The following SNX2 variants were observed in gnomAD, a reference collection of about 807,000 sequenced individuals.
SNX2 encodes the protein sorting nexin 2, also known as sorting nexin-2.
Under a neutral mutation model 69.9 loss-of-function variants are expected in SNX2, and 25 were observed. That is an observed-to-expected ratio of 0.36 (90% CI 0.26 to 0.50). The LOEUF is 0.50. Among genes scored for constraint, SNX2 ranks in the 20% least tolerant of loss-of-function variants. The pLI is 0.97. For missense variants in SNX2, 551 were observed against 613.3 expected, an observed-to-expected ratio of 0.90 and a Z score of 1.07; for synonymous variants, 229 against 200.4, an observed-to-expected ratio of 1.14 and a Z score of -1.20.
intron 10 of SNX2, among the ~76,000 whole-genome samples, chr5:122,817,904 A>C (rs1208709722): frequency 6.6e-6 from 1 of 152,138 alleles, no homozygotes; most frequent in African/African-American, 2.4e-5. Context: ...TTCATAGAAA[A>C]TTTGAGTTGT....
chr5:122,820,690 TAC>T (rs907622152), intron 11 of SNX2, among the ~76,000 whole-genome samples: 42 of 152,314 alleles, frequency 2.8e-4, no homozygotes, highest in African/African-American at 9.6e-4. Context: ...TTCCTGAAAT[TAC>T]AGTTATATTC....
In SNX2 at chr5:122,802,143, T is replaced by A. The variant is rs1753530655; in HGVS notation, c.501+19T>A. ...AACAAAGGTGAGCTTTTTGTGCTTT[T>A]AAAAAAACTATCGAGCCCTCATTAT... On this transcript the variant is annotated intron_variant, in intron 5 of 14. Transcript: ENST00000379516. 6.2e-7 allele frequency: 1 copy of A among 1,606,922 alleles called. No individual in the cohort carries two copies. Among genetic ancestry groups the A allele is most frequent in the African/African-American group, 1.3e-5 (1 of 74,754 alleles).
intron 5 of SNX2, among the ~76,000 whole-genome samples, chr5:122,802,597 G>A (rs1753541009): frequency 6.6e-6 from 1 of 152,114 alleles, no homozygotes; most frequent in Admixed American, 6.6e-5. Flanking sequence ...GAAGAGTGTG[G>A]CACAAGTAGG....
intron 7 of SNX2, among the ~76,000 whole-genome samples, chr5:122,810,886 T>C (rs549911718): frequency 6.6e-6 from 1 of 152,320 alleles, no homozygotes; most frequent in Admixed American, 6.5e-5. Flanking sequence ...GCAAAGGAAC[T>C]GGAATGGTTT....
intron 6 of SNX2, among the ~76,000 whole-genome samples, chr5:122,806,142 G>GCGCACGCGCGCGCACACACA: frequency 7.7e-6 from 1 of 130,584 alleles, no homozygotes; most frequent in Non-Finnish European, 1.6e-5. Flanking sequence ...ACACGCGCGC[G>GCGCACGCGCGCGCACACACA]CACACACACA....
At position 122,819,010 on chromosome 5, in the gene SNX2, T is replaced by C. The variant is rs771931984; in HGVS notation, c.1199T>C (p.Ile400Thr). The C allele has an allele frequency of 5.6e-6, 9 of 1,613,406 alleles. No homozygotes were observed. Among genetic ancestry groups the C allele is most frequent in the East Asian group, 2.2e-5 (1 of 44,848 alleles). Residue 400 changes from isoleucine to threonine, a missense_variant, in exon 11 of 15, where the codon ATT becomes ACT. Transcript: ENST00000379516. ...SELLSDYIRL[I>T]AAVKGVFDHR... ...CTACTTAGTGACTACATTCGTCTTA[T>C]TGCTGCAGTGAAAGTAAGCCCTTTC...
chr5:122,812,156 T>A (rs953879230), intron 7 of SNX2, among the ~76,000 whole-genome samples: 7 of 152,180 alleles, frequency 4.6e-5, no homozygotes, highest in African/African-American at 1.7e-4. Context: ...AACTTTACAG[T>A]AGTCATTCTA....
At chr5:122,829,414 A>G (rs1754230259) in intron 14 of SNX2, among the ~76,000 whole-genome samples, 184 bp from the exon 15 acceptor site, 1 of 151,944 alleles carries the variant, frequency 6.6e-6, no homozygotes, top group East Asian at 2.0e-4. Flanking sequence ...CATGTTGACC[A>G]GGCTAGTCTT....
At chr5:122,789,284 G>A (rs555412294) in intron 1 of SNX2, among the ~76,000 whole-genome samples, 4 of 152,266 alleles carry the variant, frequency 2.6e-5, no homozygotes, top group East Asian at 3.9e-4. Flanking sequence ...GAATTGCTGT[G>A]CTGTTTGGCT....
chr5:122,821,947 A>G lies in SNX2; in HGVS notation c.1212+2924A>G, dbSNP rs183838472. On this transcript the variant is annotated intron_variant, in intron 11 of 14. Coordinates refer to ENST00000379516, the MANE Select transcript of SNX2 (RefSeq NM_003100.4). The stretch of plus-strand genomic sequence containing the variant: ...ATAAGTATTGCCAAATTACTGTTCA[A>G]AAAGATTTTACTTTGTACCCTAACC... Among the ~76,000 whole-genome samples the G allele has an allele frequency of 4.1e-4, 62 of 152,324 alleles. No individual in the cohort carries two copies. The East Asian group carries it at 0.01, about 26-fold the overall frequency.
chr5:122,827,831 T>C, intron 14 of SNX2, 185 bp downstream of exon 14: 1 of 559,870 alleles, frequency 1.8e-6, no homozygotes. Context: ...GTTTTTTTTT[T>C]TTTTGCCTCT....
At position 122,799,681 on chromosome 5, in the gene SNX2, T is replaced by A. The variant is rs777245849; in HGVS notation, c.227-11T>A. 6.2e-7 allele frequency: 1 copy of A among 1,607,004 alleles called. No homozygotes were observed. Among genetic ancestry groups the A allele is most frequent in the Admixed American group, 1.7e-5 (1 of 59,182 alleles). On this transcript the variant is annotated splice_polypyrimidine_tract_variant and intron_variant, in intron 2 of 14. Transcript: ENST00000379516. ...CAGTGTTCTTAACTAACTTGTTTAA[T>A]CTATGTCTAGAAGCCACAGAAGAAG...
chr5:122,817,358 G>T lies in SNX2; in HGVS notation c.991G>T (p.Val331Phe), dbSNP rs1127846. 3 of 1,613,422 alleles carry T rather than the reference G, an allele frequency of 1.9e-6. No homozygotes were observed. Among genetic ancestry groups the T allele is most frequent in the Admixed American group, 3.3e-5 (2 of 59,982 alleles). Residue 331 changes from valine to phenylalanine, a missense_variant, in exon 10 of 15, where the codon GTC becomes TTC. This residue lies in a region of SNX2 where 360 missense variants were observed against 450.4 expected (regional missense o/e 0.80). Coordinates refer to ENST00000379516, the MANE Select transcript of SNX2 (RefSeq NM_003100.4). Reference protein sequence around the residue: ...RKLHVSVEALVCHRKELSANT... With the variant: ...RKLHVSVEALFCHRKELSANT... ...ACTTCATGTCAGTGTTGAAGCCTTGGTCTGTCATAGAAAAGGTTTGTTTGC... is the reference window on the plus strand; with the variant it reads ...ACTTCATGTCAGTGTTGAAGCCTTGTTCTGTCATAGAAAAGGTTTGTTTGC...
At chr5:122,790,543 AAG>A (rs1462156919) in intron 1 of SNX2, among the ~76,000 whole-genome samples, 5 of 152,198 alleles carry the variant, frequency 3.3e-5, no homozygotes, top group Non-Finnish European at 7.3e-5. Context: ...TGAGTGGTCA[AAG>A]AGAAAGGGTA....
intron 6 of SNX2, among the ~76,000 whole-genome samples, chr5:122,807,172 G>C (rs547811961): frequency 5.1e-4 from 77 of 152,046 alleles, no homozygotes; most frequent in African/African-American, 1.5e-3. Context: ...CAGCTACTCA[G>C]GATTGCTTGA....
intron 2 of SNX2, among the ~76,000 whole-genome samples, 199 bp from the exon 3 acceptor site, chr5:122,799,493 T>C (rs1903260): frequency 0.81 from 123,458 of 152,194 alleles, 50,966 homozygotes; most frequent in East Asian, 0.99. Flanking sequence ...CTTTCTAAAA[T>C]CAACAAAGTT....
intron 6 of SNX2, among the ~76,000 whole-genome samples, chr5:122,805,151 C>T (rs920627106): frequency 6.6e-6 from 1 of 151,922 alleles, no homozygotes; most frequent in African/African-American, 2.4e-5. Context: ...ATTAGCCAGG[C>T]ATGGTGGCTC....
chr5:122,816,831 GA>G, intron 8 of SNX2, 83 bp from the exon 9 acceptor site: 3 of 576,942 alleles, frequency 5.2e-6, no homozygotes, highest in Non-Finnish European at 9.2e-6. Context: ...GGGGAGGGGG[GA>G]GGAGGGGGGA....
At chr5:122,785,094 T>A (rs141089502) in intron 1 of SNX2, among the ~76,000 whole-genome samples, 24 of 152,112 alleles carry the variant, frequency 1.6e-4, no homozygotes, top group African/African-American at 5.8e-4. Context: ...AATTTACATC[T>A]TCTGTTTATT....
Sources: gnomAD v4.1 joint callset for allele counts (sites outside exome capture counted in the v4.1 genomes callset) on GRCh38, gnomAD v4.1.1 for gene constraint, gnomAD v4.1.1 regional missense constraint, MANE v1.5 for transcripts, NCBI Gene and HGNC (gene_info 2026-07-23, HGNC 2026-07-21) for gene names.